Variants in STXBP5L observed in about 807,000 individuals in gnomAD.
The protein encoded by STXBP5L is syntaxin-binding protein 5-like.
A neutral mutation model predicts 144.5 loss-of-function variants in STXBP5L; 65 were observed. The observed-to-expected ratio is 0.45, with a 90% confidence interval of 0.37 to 0.55. The LOEUF (loss-of-function observed/expected upper bound fraction) is 0.55, where lower values mean the gene tolerates loss of function less well. STXBP5L is among the 20% of genes least tolerant of loss of function. The probability of loss-of-function intolerance (pLI) is 0.00; values close to 1 mark genes in which losing one functional copy is unlikely to be tolerated. For synonymous variants in STXBP5L, 505 were observed against 469.6 expected (o/e 1.08, Z -0.97); for missense variants, 1,298 against 1,405.5 (o/e 0.92, Z 1.22).
intron 20 of STXBP5L, among the ~76,000 whole-genome samples, chr3:121,360,661 G>A (rs917729683): frequency 6.6e-6 from 1 of 151,982 alleles, no homozygotes; most frequent in Admixed American, 6.5e-5. Flanking sequence ...AACCAACAGT[G>A]AAAAATAAAA....
chr3:121,355,938 G>A (rs1019280771), intron 20 of STXBP5L, among the ~76,000 whole-genome samples: 3 of 152,214 alleles, frequency 2.0e-5, no homozygotes, highest in African/African-American at 4.8e-5. Flanking sequence ...CCTTCTAACA[G>A]TCAGGTTCCT....
At chr3:121,316,161 A>C (rs2043780966) in intron 19 of STXBP5L, among the ~76,000 whole-genome samples, 1 of 152,210 alleles carries the variant, frequency 6.6e-6, no homozygotes, top group South Asian at 2.1e-4. Context: ...TGTTCTGAAT[A>C]ACTATATAGT....
chr3:121,366,349 T>C (rs918280571), intron 20 of STXBP5L, among the ~76,000 whole-genome samples: 1 of 152,038 alleles, frequency 6.6e-6, no homozygotes, highest in African/African-American at 2.4e-5. Context: ...GTGTGGAATA[T>C]TGAATTGTAC....
intron 4 of STXBP5L, among the ~76,000 whole-genome samples, chr3:121,044,960 T>C (rs1947408889): frequency 6.6e-6 from 1 of 152,154 alleles, no homozygotes; most frequent in Admixed American, 6.6e-5. Flanking sequence ...ATACCAAATA[T>C]ACTTTTTAGG....
At chr3:121,366,248 G>C (rs947143756) in intron 20 of STXBP5L, among the ~76,000 whole-genome samples, 3 of 151,906 alleles carry the variant, frequency 2.0e-5, no homozygotes, top group Admixed American at 6.6e-5. Flanking sequence ...TTGATGTATA[G>C]AGTGTTATAT....
chr3:120,923,007 A>G (rs1359723585), intron 2 of STXBP5L, among the ~76,000 whole-genome samples: 1 of 151,968 alleles, frequency 6.6e-6, no homozygotes, highest in Non-Finnish European at 1.5e-5. Flanking sequence ...ACTTTTTATT[A>G]CTGCTTCAAT....
At chr3:121,417,514 AGAGT>A in intron 25 of STXBP5L, among the ~76,000 whole-genome samples, 1 of 116,466 alleles carries the variant, frequency 8.6e-6, no homozygotes, top group African/African-American at 2.8e-5. Context: ...CCCAGGCTTT[AGAGT>A]AAAGTGGCAC....
intron 3 of STXBP5L, among the ~76,000 whole-genome samples, chr3:120,965,099 G>A (rs575141279): frequency 6.6e-6 from 1 of 150,578 alleles, no homozygotes; most frequent in African/African-American, 2.4e-5. Context: ...GCAACCCCTG[G>A]TTTTTTTTGC....
chr3:121,075,534 G>A (rs1055314718), intron 5 of STXBP5L, among the ~76,000 whole-genome samples: 1 of 152,238 alleles, frequency 6.6e-6, no homozygotes, highest in East Asian at 1.9e-4. Flanking sequence ...AACTTCTGAA[G>A]CTTTAGCTTT....
At chr3:121,056,731 C>G (rs1283880148) in intron 5 of STXBP5L, among the ~76,000 whole-genome samples, 1 of 152,024 alleles carries the variant, frequency 6.6e-6, no homozygotes, top group Non-Finnish European at 1.5e-5. Context: ...CTCAGCAGAG[C>G]TAAACAGTGT....
chr3:120,977,637 C>T (rs1235406041), intron 3 of STXBP5L, among the ~76,000 whole-genome samples: 3 of 152,076 alleles, frequency 2.0e-5, no homozygotes, highest in Admixed American at 6.6e-5. Context: ...TTCTTCCTAG[C>T]TTCGATGGTC....
At chr3:121,311,151 G>T (rs1301934728) in intron 19 of STXBP5L, among the ~76,000 whole-genome samples, 1 of 152,100 alleles carries the variant, frequency 6.6e-6, no homozygotes, top group Non-Finnish European at 1.5e-5. Context: ...AGTCATCAGA[G>T]AAATTTAAAA....
At chr3:121,274,703 C>T (rs1026055711) in intron 18 of STXBP5L, among the ~76,000 whole-genome samples, 1 of 152,126 alleles carries the variant, frequency 6.6e-6, no homozygotes, top group African/African-American at 2.4e-5. Flanking sequence ...GCATTGACAC[C>T]AATGTCTGAG....
rs1945092438 is a variant in STXBP5L at position 121,015,663 on chromosome 3, G to A, written c.288-26037G>A. ...TGAGAAAGATTCCTTTATGACTCTG[G>A]CAGGGTGCTTATTCTTCCGAATAAG... On this transcript the variant is annotated intron_variant, in intron 3 of 26. Transcript: ENST00000471454. Among the ~76,000 whole-genome samples, 5 of 152,098 alleles carry A rather than the reference G, an allele frequency of 3.3e-5. No individual in the cohort carries two copies. The South Asian group carries it at 1.0e-3, about 32-fold the overall frequency.
chr3:120,926,832 T>C (rs991385377), intron 2 of STXBP5L, among the ~76,000 whole-genome samples: 1 of 152,094 alleles, frequency 6.6e-6, no homozygotes, highest in African/African-American at 2.4e-5. Flanking sequence ...CTCTAGTGAG[T>C]TTTTCAGTTC....
chr3:121,353,005 ACCAGC>A (rs1358644630), intron 20 of STXBP5L, among the ~76,000 whole-genome samples: 1 of 152,112 alleles, frequency 6.6e-6, no homozygotes, highest in African/African-American at 2.4e-5. Context: ...CGTATGTTGA[ACCAGC>A]ATTGCATCCC....
At chr3:121,059,369 A>G (rs1301805518) in intron 5 of STXBP5L, among the ~76,000 whole-genome samples, 1 of 152,146 alleles carries the variant, frequency 6.6e-6, no homozygotes, top group East Asian at 1.9e-4. Context: ...TGTTTTCATT[A>G]CTGTAGCCTT....
chr3:121,385,306 C>G (rs1284614808), intron 22 of STXBP5L, among the ~76,000 whole-genome samples: 1 of 152,080 alleles, frequency 6.6e-6, no homozygotes, highest in East Asian at 1.9e-4. Context: ...AAAGAGGGAA[C>G]AGGCACATTA....
chr3:120,981,784 C>G (rs1191980620), intron 3 of STXBP5L, among the ~76,000 whole-genome samples: 1 of 152,178 alleles, frequency 6.6e-6, no homozygotes, highest in Non-Finnish European at 1.5e-5. Context: ...CTGGTTCCCT[C>G]TCATCTGAAG....
Sources: allele counts gnomAD v4.1 joint callset (sites outside exome capture counted in the v4.1 genomes callset), GRCh38; gene constraint gnomAD v4.1.1; transcripts MANE v1.5; gene names NCBI Gene and HGNC (gene_info 2026-07-23, HGNC 2026-07-21).